KLRG1: variants seen among roughly 807,000 people sequenced by gnomAD.
KLRG1 encodes the protein killer cell lectin-like receptor subfamily G member 1.
A neutral mutation model predicts 21.8 loss-of-function variants in KLRG1; 16 were observed. That is an observed-to-expected ratio of 0.73 (90% CI 0.50 to 1.11). KLRG1 has a LOEUF of 1.11. Ranked by LOEUF, KLRG1 falls within the 50% of genes most tolerant of loss-of-function variation. The pLI is 0.00. For missense variants in KLRG1, 173 were observed against 218.3 expected (o/e 0.79, Z 1.31); for synonymous variants, 69 against 75.9 (o/e 0.91, Z 0.47).
chr12:9,167,432 C>T, the KLRG1 span: 1 of 152,190 alleles, frequency 6.6e-6, no homozygotes, highest in Non-Finnish European at 1.5e-5. Flanking sequence ...AGGGTATCTC[C>T]TGATCCATGG....
the KLRG1 span, among the ~76,000 whole-genome samples, chr12:9,171,865 A>T: frequency 1.3e-5 from 2 of 152,224 alleles, no homozygotes; most frequent in African/African-American, 4.8e-5. Flanking sequence ...CCTATGACTG[A>T]TTGGGATCCT....
At chr12:9,196,583 C>T in the KLRG1 span, 87 of 1,607,902 alleles carry the variant, frequency 5.4e-5, no homozygotes, top group Admixed American at 8.3e-5. Context: ...GTCCCCTCTT[C>T]TCTGATCCTG....
At chr12:9,158,752 C>CTTTTTTTTTTTTTTTTTTTTTT in the KLRG1 span, among the ~76,000 whole-genome samples, 4 of 97,824 alleles carry the variant, frequency 4.1e-5, no homozygotes, top group Admixed American at 1.3e-4. Context: ...TTTTTCTTTT[C>CTTTTTTTTTTTTTTTTTTTTTT]TTTTCTTTTT....
chr12:9,095,908 C>T, the KLRG1 span, among the ~76,000 whole-genome samples: 2 of 151,036 alleles, frequency 1.3e-5, no homozygotes, highest in South Asian at 4.2e-4. Flanking sequence ...TACAGGCGCC[C>T]GCCACCGCGC....
the KLRG1 span, chr12:9,093,593 G>A: frequency 6.8e-7 from 1 of 1,461,906 alleles, no homozygotes. Context: ...TGGTGAGTGA[G>A]GAAGAAGACA....
At chr12:9,202,418 A>G in the KLRG1 span, 2 of 1,613,692 alleles carry the variant, frequency 1.2e-6, no homozygotes, top group Non-Finnish European at 1.7e-6. Flanking sequence ...TAAAGCAGGT[A>G]ATTTGGGTAA....
chr12:9,156,094 GT>G, the KLRG1 span: 3 of 233,842 alleles, frequency 1.3e-5, no homozygotes, highest in Admixed American at 4.6e-5. Context: ...TGCAGCTCCT[GT>G]TATAAAAGGT....
At chr12:9,185,706 T>C in the KLRG1 span, among the ~76,000 whole-genome samples, 13 of 152,058 alleles carry the variant, frequency 8.5e-5, no homozygotes, top group African/African-American at 3.1e-4. Context: ...ACAAGTCACC[T>C]ACAAAGGGAA....
chr12:9,086,096 ACT>A, the KLRG1 span, among the ~76,000 whole-genome samples: 14 of 152,174 alleles, frequency 9.2e-5, no homozygotes, highest in African/African-American at 3.4e-4. Context: ...TCCTTCTCAA[ACT>A]CTGCCAAAAG....
At chr12:9,012,406 G>A (rs1009158624), downstream of KLRG1, among the ~76,000 whole-genome samples, 1 of 152,060 alleles carries the variant, frequency 6.6e-6, no homozygotes, top group African/African-American at 2.4e-5. Flanking sequence ...TGAAAGGAAG[G>A]ACCCAGTCCA....
At chr12:9,131,372 A>G in the KLRG1 span, among the ~76,000 whole-genome samples, 1 of 152,240 alleles carries the variant, frequency 6.6e-6, no homozygotes, top group Non-Finnish European at 1.5e-5. Context: ...TGTTGGGGAC[A>G]GCTTTCCATG....
At chr12:9,090,903 T>C in the KLRG1 span, among the ~76,000 whole-genome samples, 2 of 152,288 alleles carry the variant, frequency 1.3e-5, no homozygotes, top group African/African-American at 2.4e-5. Context: ...AAGTTAAATA[T>C]ATGAGATCGT....
the KLRG1 span, among the ~76,000 whole-genome samples, chr12:9,056,542 C>T: frequency 6.0e-5 from 9 of 150,768 alleles, no homozygotes; most frequent in African/African-American, 2.2e-4. Context: ...GATTTATATT[C>T]CAGCTGAAAT....
the KLRG1 span, among the ~76,000 whole-genome samples, chr12:9,060,181 TTTTGTTTG>T: frequency 0.012 from 1,867 of 150,700 alleles, 56 homozygotes; most frequent in African/African-American, 0.043. Context: ...ATTTTTTGTA[TTTTGTTTG>T]TTTGTTTGTT....
At chr12:9,133,064 T>C in the KLRG1 span, among the ~76,000 whole-genome samples, 34 of 152,332 alleles carry the variant, frequency 2.2e-4, 1 homozygote, top group African/African-American at 7.9e-4. Context: ...GGTTTTTTTT[T>C]CATTTTAGAG....
At chr12:8,964,479 G>T (rs1388215580) in intron 1 of KLRG1, among the ~76,000 whole-genome samples, 1 of 152,218 alleles carries the variant, frequency 6.6e-6, no homozygotes, top group Non-Finnish European at 1.5e-5. Context: ...TTTGGAGTAG[G>T]TGTGGTGTGG....
At chr12:9,003,836 A>G (rs1315860853) in intron 3 of KLRG1, among the ~76,000 whole-genome samples, 2 of 151,984 alleles carry the variant, frequency 1.3e-5, no homozygotes, top group Admixed American at 1.3e-4. Flanking sequence ...TATATCTCCT[A>G]ATGCTATCCC....
the KLRG1 span, chr12:9,154,894 G>T: frequency 6.7e-7 from 1 of 1,486,504 alleles, no homozygotes; most frequent in African/African-American, 1.4e-5. Context: ...AATTATAACT[G>T]GTAGATAAGA....
chr12:9,109,794 G>A, the KLRG1 span: 1 of 1,418,152 alleles, frequency 7.1e-7, no homozygotes, highest in Non-Finnish European at 9.5e-7. Context: ...GACTCCAAAT[G>A]AACTTAAATT....
Sources: allele counts gnomAD v4.1 joint callset (sites outside exome capture counted in the v4.1 genomes callset), GRCh38; gene constraint gnomAD v4.1.1; transcripts MANE v1.5; gene names NCBI Gene and HGNC (gene_info 2026-07-23, HGNC 2026-07-21).